PDLIM5: variants seen among roughly 807,000 people sequenced by gnomAD.
PDLIM5 encodes the protein PDZ and LIM domain 5, also known as PDZ and LIM domain protein 5.
A neutral mutation model predicts 64.2 loss-of-function variants in PDLIM5; 34 were observed. The ratio of observed to expected loss-of-function variants is 0.53; its 90% CI spans 0.40 to 0.71. PDLIM5 has a LOEUF of 0.71. Ranked by LOEUF, PDLIM5 falls within the 30% of genes least tolerant of loss-of-function variation. The pLI, the probability that PDLIM5 is intolerant of heterozygous loss-of-function variation, is 0.00. For synonymous variants in PDLIM5, 253 were observed against 269.1 expected, an observed-to-expected ratio of 0.94 and a Z score of 0.59; for missense variants, 683 against 733.6, an observed-to-expected ratio of 0.93 and a Z score of 0.80.
chr4:94,625,413 C>G (rs180845307), intron 8 of PDLIM5, among the ~76,000 whole-genome samples: 3 of 150,968 alleles, frequency 2.0e-5, no homozygotes, highest in Non-Finnish European at 2.9e-5. Flanking sequence ...GATATTATGG[C>G]GATATACTCA....
At chr4:94,495,794 G>T (rs1727337318) in intron 2 of PDLIM5, among the ~76,000 whole-genome samples, 1 of 152,216 alleles carries the variant, frequency 6.6e-6, no homozygotes, top group Non-Finnish European at 1.5e-5. Context: ...CACGTATGAT[G>T]TAGTTGCAGA....
Position 94,666,038 on chromosome 4 carries a change from C to T in PDLIM5, c.*1971C>T. The T allele has an allele frequency of 6.5e-7, 1 of 1,532,088 alleles. No individual in the cohort carries two copies. The highest frequency in any genetic ancestry group is 8.7e-7 in the Non-Finnish European group (1 of 1,144,042). The allele number at this position is 1,532,088 out of a possible 1,614,324, so 94.9% of individuals were successfully genotyped here. On this transcript the variant is annotated 3_prime_UTR_variant, in exon 13 of 13. Transcript: ENST00000317968. ...CTTTGTTTCCAGAATGGATGAAAGT[C>T]CATGAACCTCCTAAGTTATAATTTA...
chr4:94,545,595 G>A (rs1351053084), intron 3 of PDLIM5, among the ~76,000 whole-genome samples: 2 of 152,194 alleles, frequency 1.3e-5, no homozygotes, highest in Non-Finnish European at 2.9e-5. Context: ...TCTTAAGGTT[G>A]GAGGTCACTG....
chr4:94,636,461 A>T (rs1740570461), intron 8 of PDLIM5, among the ~76,000 whole-genome samples: 1 of 150,044 alleles, frequency 6.7e-6, no homozygotes, highest in Admixed American at 6.7e-5. Flanking sequence ...CATGTAACTG[A>T]TTAAATAATA....
intron 9 of PDLIM5, among the ~76,000 whole-genome samples, chr4:94,647,881 G>A (rs2902989): frequency 0.019 from 2,831 of 152,272 alleles, 101 homozygotes; most frequent in African/African-American, 0.065. Context: ...TCACAAATAT[G>A]TAGAAATTAA....
intron 3 of PDLIM5, among the ~76,000 whole-genome samples, chr4:94,569,015 G>T (rs952152235): frequency 1.1e-4 from 17 of 152,116 alleles, no homozygotes; most frequent in Non-Finnish European, 2.4e-4. Flanking sequence ...TGAGTGAAAT[G>T]ACATCTTTGT....
chr4:94,616,750 C>T (rs566441157), intron 7 of PDLIM5, among the ~76,000 whole-genome samples: 1 of 152,294 alleles, frequency 6.6e-6, no homozygotes, highest in East Asian at 1.9e-4. Flanking sequence ...AAGCTGATGG[C>T]TCTATGACAC....
At chr4:94,532,016 A>T (rs1730919390) in intron 3 of PDLIM5, among the ~76,000 whole-genome samples, 2 of 152,110 alleles carry the variant, frequency 1.3e-5, no homozygotes, top group African/African-American at 4.8e-5. Flanking sequence ...ATGGTTTCCC[A>T]TCCTAAGCCA....
chr4:94,535,607 A>T (rs1186899257), intron 3 of PDLIM5, among the ~76,000 whole-genome samples: 1 of 152,140 alleles, frequency 6.6e-6, no homozygotes, highest in African/African-American at 2.4e-5. Context: ...AAAACAGACT[A>T]GGAATAGAGT....
At chr4:94,608,024 C>A in intron 7 of PDLIM5, 1 of 1,447,314 alleles carries the variant, frequency 6.9e-7, no homozygotes, top group Non-Finnish European at 9.3e-7. Context: ...ATTAATATTT[C>A]CTTTGCCTTA....
At chr4:94,456,371 T>C in intron 2 of PDLIM5, 2 of 638,764 alleles carry the variant, frequency 3.1e-6, no homozygotes, top group South Asian at 1.7e-5. Context: ...GCTAATTTTG[T>C]ATTTTTAGTA....
rs1469271075 is a variant in PDLIM5 at position 94,565,915 on chromosome 4, A to G, written c.249-7436A>G. 5.9e-5 allele frequency among the ~76,000 whole-genome samples: 9 copies of G among 152,204 alleles called. No homozygotes were observed. The South Asian group carries it at 1.0e-3, about 17-fold the overall frequency. Reference sequence around the variant, plus strand: ...ATGTATCTGTATATATTGAATACACATAGACATATATGTATATATTATATA... The same window carrying G: ...ATGTATCTGTATATATTGAATACACGTAGACATATATGTATATATTATATA... On this transcript the variant is annotated intron_variant, in intron 3 of 12. Transcript: ENST00000317968.
At chr4:94,531,673 C>T (rs1578320604) in intron 3 of PDLIM5, among the ~76,000 whole-genome samples, 1 of 152,264 alleles carries the variant, frequency 6.6e-6, no homozygotes, top group Admixed American at 6.5e-5. Context: ...GCCTAACAAA[C>T]TCAGATCAGT....
At chr4:94,623,062 G>A (rs1472493218) in intron 8 of PDLIM5, among the ~76,000 whole-genome samples, 1 of 152,178 alleles carries the variant, frequency 6.6e-6, no homozygotes, top group African/African-American at 2.4e-5. Context: ...CAGATACTTA[G>A]AGGATACTCA....
intron 8 of PDLIM5, among the ~76,000 whole-genome samples, chr4:94,632,862 G>A (rs1740268517): frequency 6.6e-6 from 1 of 152,146 alleles, no homozygotes; most frequent in Non-Finnish European, 1.5e-5. Flanking sequence ...AGAGTCTTCA[G>A]AAAGAAAAAT....
At chr4:94,605,398 T>G (rs899126103) in intron 7 of PDLIM5, among the ~76,000 whole-genome samples, 7 of 152,202 alleles carry the variant, frequency 4.6e-5, no homozygotes, top group African/African-American at 1.7e-4. Context: ...TCATGTATCC[T>G]GAGAAAAGCA....
intron 5 of PDLIM5, 111 bp downstream of exon 5, chr4:94,576,145 G>A (rs1735233330): frequency 2.3e-6 from 2 of 862,572 alleles, no homozygotes; most frequent in Non-Finnish European, 3.6e-6. Flanking sequence ...AAGGAAGGGA[G>A]ATGAAGTATT....
chr4:94,636,766 A>G (rs1740606628), intron 8 of PDLIM5, among the ~76,000 whole-genome samples: 1 of 152,004 alleles, frequency 6.6e-6, no homozygotes, highest in African/African-American at 2.4e-5. Flanking sequence ...CGATCTCCTG[A>G]TCTCATGATC....
At chr4:94,565,814 G>A (rs1028338878) in intron 3 of PDLIM5, among the ~76,000 whole-genome samples, 1 of 152,152 alleles carries the variant, frequency 6.6e-6, no homozygotes, top group African/African-American at 2.4e-5. Flanking sequence ...GGAATTTTGT[G>A]AAGAACTTAA....
Sources: gnomAD v4.1 joint callset for allele counts (sites outside exome capture counted in the v4.1 genomes callset) on GRCh38, gnomAD v4.1.1 for gene constraint, MANE v1.5 for transcripts, NCBI Gene and HGNC (gene_info 2026-07-23, HGNC 2026-07-21) for gene names.